Variants in VAV3 observed in about 807,000 individuals in gnomAD.
VAV3 encodes the protein vav guanine nucleotide exchange factor 3, also known as guanine nucleotide exchange factor VAV3.
In VAV3, 94 loss-of-function variants were observed where a neutral mutation model predicts 131.2. The ratio of observed to expected loss-of-function variants is 0.72; its 90% confidence interval spans 0.61 to 0.85. The LOEUF (loss-of-function observed/expected upper bound fraction) is 0.85, where lower values mean the gene tolerates loss of function less well. Ranked by LOEUF, VAV3 falls within the 40% of genes least tolerant of loss-of-function variation. The probability of loss-of-function intolerance (pLI) is 0.00; values close to 1 mark genes in which losing one functional copy is unlikely to be tolerated. For missense variants in VAV3, 939 were observed against 1,002.7 expected (o/e 0.94, Z 0.86); for synonymous variants, 349 against 342.0 (o/e 1.02, Z -0.22).
chr1:107,759,114 C>T (rs1413665353), intron 10 of VAV3, among the ~76,000 whole-genome samples: 1 of 152,240 alleles, frequency 6.6e-6, no homozygotes, highest in Non-Finnish European at 1.5e-5. Flanking sequence ...TACTTGGCAG[C>T]TTATACTTCA....
In VAV3 at chr1:107,798,502, AGG is replaced by A. The variant is rs1387752566; in HGVS notation, c.322-19012_322-19011del. 2.0e-5 allele frequency among the ~76,000 whole-genome samples: 3 copies of A among 152,038 alleles called. No individual in the cohort carries two copies. The East Asian group carries it at 5.8e-4, about 30-fold the overall frequency. On this transcript the variant is annotated intron_variant, in intron 2 of 26. Coordinates refer to ENST00000370056, the MANE Select transcript of VAV3 (RefSeq NM_006113.5). ...GGGAGGCTGAGGTGGGCGGATCATG[AGG>A]TCAGGAGATCGAGACCATTCTGGCT...
At chr1:107,856,250 A>G (rs922749661) in intron 2 of VAV3, among the ~76,000 whole-genome samples, 4 of 152,226 alleles carry the variant, frequency 2.6e-5, no homozygotes, top group Admixed American at 6.5e-5. Flanking sequence ...CAGAAATGTG[A>G]TTAATTACGG....
At chr1:107,951,963 T>C (rs1019249743) in intron 1 of VAV3, among the ~76,000 whole-genome samples, 5 of 152,128 alleles carry the variant, frequency 3.3e-5, no homozygotes, top group Admixed American at 6.5e-5. Flanking sequence ...AGCAATCCCA[T>C]TGCAGGATAT....
intron 1 of VAV3, among the ~76,000 whole-genome samples, chr1:107,906,896 T>C (rs1171993237): frequency 6.6e-6 from 1 of 152,134 alleles, no homozygotes; most frequent in South Asian, 2.1e-4. Flanking sequence ...GCTTGGAAAG[T>C]TAGAATTAAT....
rs566005475 is a variant in VAV3 at position 107,614,069 on chromosome 1, A to G, written c.1980+3498T>C. Among the ~76,000 whole-genome samples the G allele has an allele frequency of 5.9e-5, 9 of 152,176 alleles. No individual in the cohort carries two copies. In the East Asian group the frequency reaches 9.6e-4, roughly 16 times the overall value. On this transcript the variant is annotated intron_variant, in intron 21 of 26. Transcript: ENST00000370056. ...CTTTCCTTTTTTCTTTCCAATCCTG[A>G]ACCAATACCAAAGTAGGCATATCAT...
chr1:107,932,132 A>G (rs1008937988), intron 1 of VAV3, among the ~76,000 whole-genome samples: 11 of 152,180 alleles, frequency 7.2e-5, no homozygotes, highest in South Asian at 2.1e-4. Context: ...CAATTGGTTC[A>G]TTTACTTTAT....
intron 1 of VAV3, among the ~76,000 whole-genome samples, chr1:107,899,975 TA>T (rs1312040556): frequency 6.6e-6 from 1 of 152,200 alleles, no homozygotes; most frequent in Non-Finnish European, 1.5e-5. Context: ...TCTTTCTCCA[TA>T]AAATTCCTTT....
At chr1:107,690,044 T>C (rs762341327) in intron 17 of VAV3, among the ~76,000 whole-genome samples, 2 of 152,162 alleles carry the variant, frequency 1.3e-5, no homozygotes, top group Non-Finnish European at 2.9e-5. Context: ...TCCAAGGAGA[T>C]TGAGGAAAGC....
intron 15 of VAV3, among the ~76,000 whole-genome samples, chr1:107,715,293 TA>T (rs931067737): frequency 1.3e-5 from 2 of 152,156 alleles, no homozygotes; most frequent in Admixed American, 1.3e-4. Context: ...TAGTACTTAC[TA>T]AATGATAAAA....
chr1:107,715,786 T>A (rs1206382167), intron 15 of VAV3, among the ~76,000 whole-genome samples: 3 of 152,166 alleles, frequency 2.0e-5, no homozygotes. Flanking sequence ...TCTAGAGAAT[T>A]TGGATTTTCT....
At chr1:107,886,728 T>G (rs558406237) in intron 1 of VAV3, among the ~76,000 whole-genome samples, 1 of 152,254 alleles carries the variant, frequency 6.6e-6, no homozygotes, top group South Asian at 2.1e-4. Flanking sequence ...GAAACTTCCA[T>G]CAAACTGCTC....
intron 2 of VAV3, among the ~76,000 whole-genome samples, chr1:107,786,169 G>A (rs1665993354): frequency 2.0e-5 from 3 of 152,190 alleles, no homozygotes; most frequent in Admixed American, 2.0e-4. Flanking sequence ...CATTTCCATT[G>A]TTCAAGAGAG....
chr1:107,755,690 A>G (rs1664063671), intron 11 of VAV3, among the ~76,000 whole-genome samples, 177 bp from the exon 12 acceptor site: 1 of 152,226 alleles, frequency 6.6e-6, no homozygotes, highest in South Asian at 2.1e-4. Flanking sequence ...GCAATTTTAA[A>G]ATGTCTGAAG....
At chr1:107,598,633 G>T (rs974762883) in intron 24 of VAV3, among the ~76,000 whole-genome samples, 1 of 152,122 alleles carries the variant, frequency 6.6e-6, no homozygotes, top group African/African-American at 2.4e-5. Context: ...AGACCATGTA[G>T]AAGTTTGTAT....
chr1:107,811,327 C>G (rs1046693770), intron 2 of VAV3, among the ~76,000 whole-genome samples: 2 of 152,174 alleles, frequency 1.3e-5, no homozygotes, highest in East Asian at 1.9e-4. Flanking sequence ...ACCACCAGAT[C>G]TGCACAGGGT....
At chr1:107,815,895 T>C (rs76410468) in intron 2 of VAV3, among the ~76,000 whole-genome samples, 3,381 of 152,070 alleles carry the variant, frequency 0.022, 119 homozygotes, top group African/African-American at 0.078. Context: ...GGAGGGGGCA[T>C]GGGGGGATGG....
intron 19 of VAV3, among the ~76,000 whole-genome samples, chr1:107,681,316 C>T (rs573000934): frequency 5.3e-4 from 81 of 152,236 alleles, no homozygotes; most frequent in African/African-American, 1.1e-3. Flanking sequence ...AGTTTGTCTA[C>T]GCAGACTCAA....
rs113783822 is a variant in VAV3, at chr1:107,574,298, C to T, written c.2351-100G>A. 36 of 1,432,708 alleles carry T rather than the reference C, an allele frequency of 2.5e-5. 1 individual carries two copies. The highest frequency in any genetic ancestry group is 1.8e-4 in the Middle Eastern group (1 of 5,574). The allele number at this position is 1,432,708 out of a possible 1,614,324, so 88.7% of individuals were successfully genotyped here. A position where few individuals can be genotyped will look rare whatever the true frequency, so the allele number is the denominator to read the frequency against. On this transcript the variant is annotated intron_variant, in intron 25 of 26. Coordinates refer to ENST00000370056, the MANE Select transcript of VAV3 (RefSeq NM_006113.5). ...TTATTGATGCTATCAAATGCACAGT[C>T]GTGATTTCATTACAGACCAGCGATA... is the stretch of plus-strand genomic sequence containing the variant.
At chr1:107,764,055 G>A (rs1304944987) in intron 9 of VAV3, among the ~76,000 whole-genome samples, 5 of 141,932 alleles carry the variant, frequency 3.5e-5, no homozygotes, top group African/African-American at 1.1e-4. Context: ...AAAGCATGAA[G>A]TCCTCGAACT....
Sources: allele counts gnomAD v4.1 joint callset (sites outside exome capture counted in the v4.1 genomes callset), GRCh38; gene constraint gnomAD v4.1.1; transcripts MANE v1.5; gene names NCBI Gene and HGNC (gene_info 2026-07-23, HGNC 2026-07-21).